ANKFN1: variants seen among roughly 807,000 people sequenced by gnomAD.
ANKFN1 encodes ankyrin repeat and fibronectin type-III domain-containing protein 1.
A neutral mutation model predicts 108.7 loss-of-function variants in ANKFN1; 74 were observed. The ratio of observed to expected loss-of-function variants is 0.68; its 90% confidence interval spans 0.56 to 0.83. The LOEUF (loss-of-function observed/expected upper bound fraction) is 0.83. ANKFN1 is among the 40% of genes least tolerant of loss of function. The probability of loss-of-function intolerance (pLI) is 0.00; values close to 1 mark genes in which losing one functional copy is unlikely to be tolerated. For missense variants in ANKFN1, 1,505 were observed against 1,382.3 expected, an observed-to-expected ratio of 1.09 and a Z score of -1.41; for synonymous variants, 547 against 516.2, an observed-to-expected ratio of 1.06 and a Z score of -0.81.
At chr17:56,295,433 G>A (rs1010060713) in intron 3 of ANKFN1, among the ~76,000 whole-genome samples, 3 of 152,162 alleles carry the variant, frequency 2.0e-5, no homozygotes, top group East Asian at 1.9e-4. Flanking sequence ...GAATCTTGAA[G>A]AGCAGCAGCT....
intron 3 of ANKFN1, among the ~76,000 whole-genome samples, chr17:56,268,709 T>C (rs75850117): frequency 2.6e-5 from 4 of 152,098 alleles, no homozygotes; most frequent in Admixed American, 6.6e-5. Context: ...TTTTTTTTTT[T>C]CCAAATACAT....
At chr17:56,276,696 GTTGT>G (rs1328851922) in intron 3 of ANKFN1, among the ~76,000 whole-genome samples, 1 of 152,078 alleles carries the variant, frequency 6.6e-6, no homozygotes, top group Non-Finnish European at 1.5e-5. Flanking sequence ...TTCTGATTGG[GTTGT>G]TTGTTTTTTT....
intron 11 of ANKFN1, among the ~76,000 whole-genome samples, chr17:56,456,015 T>A (rs80265922): frequency 0.018 from 2,712 of 152,256 alleles, 54 homozygotes; most frequent in East Asian, 0.093. Context: ...ATGCTGGCAG[T>A]GGTTATACAG....
chr17:56,125,867 A>G (rs1906895962), intron 4 of ANKFN1, among the ~76,000 whole-genome samples: 1 of 152,238 alleles, frequency 6.6e-6, no homozygotes, highest in South Asian at 2.1e-4. Context: ...AGGGGCAGAC[A>G]GGCCGGCAGG....
intron 4 of ANKFN1, among the ~76,000 whole-genome samples, chr17:56,073,469 T>C (rs906992780): frequency 6.6e-6 from 1 of 152,356 alleles, no homozygotes; most frequent in Admixed American, 6.5e-5. Context: ...TTATATTTTA[T>C]GCATTTCAAA....
chr17:56,433,824 T>G (rs939839912), intron 8 of ANKFN1, among the ~76,000 whole-genome samples: 10 of 140,450 alleles, frequency 7.1e-5, no homozygotes, highest in African/African-American at 3.1e-4. Context: ...CAATAACCTA[T>G]GGAAATAAAA....
chr17:56,394,987 C>T (rs1041675109), intron 8 of ANKFN1, among the ~76,000 whole-genome samples: 2 of 152,174 alleles, frequency 1.3e-5, no homozygotes, highest in Non-Finnish European at 2.9e-5. Flanking sequence ...AATAATCACC[C>T]TCAAGTCTGG....
chr17:56,371,585 A>G (rs1255215478), intron 6 of ANKFN1, among the ~76,000 whole-genome samples: 6 of 152,202 alleles, frequency 3.9e-5, no homozygotes, highest in Non-Finnish European at 7.3e-5. Flanking sequence ...AACACATTTC[A>G]GCAACAGATC....
intron 4 of ANKFN1, among the ~76,000 whole-genome samples, chr17:56,047,346 A>G (rs1051944921): frequency 1.3e-5 from 2 of 149,654 alleles, no homozygotes; most frequent in Non-Finnish European, 3.0e-5. Flanking sequence ...GTTCATCTCC[A>G]AGAGAGGGGG....
intron 4 of ANKFN1, among the ~76,000 whole-genome samples, chr17:56,046,646 T>G (rs1029337628): frequency 1.3e-5 from 2 of 152,176 alleles, no homozygotes; most frequent in Non-Finnish European, 2.9e-5. Flanking sequence ...CCCTAGAGGG[T>G]TTCTTTCCCA....
chr17:56,197,108 G>A (rs1272900329), intron 1 of ANKFN1, among the ~76,000 whole-genome samples: 3 of 152,108 alleles, frequency 2.0e-5, no homozygotes, highest in East Asian at 1.9e-4. Context: ...TCTCATTTTC[G>A]AATATTAGGT....
intron 8 of ANKFN1, among the ~76,000 whole-genome samples, chr17:56,388,108 C>A (rs2047327003): frequency 6.6e-6 from 1 of 151,810 alleles, no homozygotes; most frequent in African/African-American, 2.4e-5. Context: ...TAATAAGCTT[C>A]TATGGCTATT....
chr17:56,191,485 C>CCA, intron 1 of ANKFN1, among the ~76,000 whole-genome samples: 1 of 47,692 alleles, frequency 2.1e-5, no homozygotes, highest in Non-Finnish European at 3.2e-5. Flanking sequence ...CTTAGTTTGG[C>CCA]TGGATATGAA....
In ANKFN1 at chr17:56,510,827, G is replaced by A. The variant is rs774482537; in HGVS notation, c.2999G>A (p.Arg1000Gln). 72 of 1,536,178 alleles carry A rather than the reference G, an allele frequency of 4.7e-5. No individual in the cohort carries two copies. In the Middle Eastern group the frequency reaches 5.0e-4, roughly 11 times the overall value. The change falls in exon 21 of 21, where the codon CGG (arginine) becomes CAG (glutamine). Residue 1000 changes from arginine to glutamine, a missense_variant. Arg to Gln is a conservative substitution (Grantham distance 43). Coordinates refer to ENST00000682825, the MANE Select transcript of ANKFN1 (RefSeq NM_001370326.1). ...CCCCCGCTAGGCTTCCTGGGAAAGC[G>A]GAAGCCAGGCAAGCACCCCCACTAT... ...GRPPLGFLGK[R>Q]KPGKHPHYGG...
intron 7 of ANKFN1, among the ~76,000 whole-genome samples, chr17:56,373,695 G>A (rs1373565448): frequency 6.6e-6 from 1 of 152,126 alleles, no homozygotes; most frequent in Non-Finnish European, 1.5e-5. Flanking sequence ...CTTTCTCTTG[G>A]AGCAAATAAC....
intron 3 of ANKFN1, among the ~76,000 whole-genome samples, chr17:56,249,391 C>G (rs965223542): frequency 2.6e-5 from 4 of 151,592 alleles, no homozygotes; most frequent in Non-Finnish European, 5.9e-5. Flanking sequence ...CCAAGATCGC[C>G]CCACTGTGCT....
intron 4 of ANKFN1, among the ~76,000 whole-genome samples, chr17:56,116,705 G>A (rs1248325927): frequency 2.6e-5 from 4 of 152,090 alleles, no homozygotes; most frequent in Admixed American, 2.0e-4. Flanking sequence ...GCAGAACCTT[G>A]AGCCAAATAA....
chr17:56,305,627 C>G (rs1283499035), intron 3 of ANKFN1, among the ~76,000 whole-genome samples: 1 of 152,150 alleles, frequency 6.6e-6, no homozygotes, highest in African/African-American at 2.4e-5. Flanking sequence ...GGATCTTTCA[C>G]AAAAAGTAAG....
At chr17:56,062,323 C>T (rs1011065361) in intron 4 of ANKFN1, among the ~76,000 whole-genome samples, 2 of 152,178 alleles carry the variant, frequency 1.3e-5, no homozygotes, top group African/African-American at 2.4e-5. Context: ...CTAATATTGA[C>T]AGTGGGGTGT....
Sources: allele counts gnomAD v4.1 joint callset (sites outside exome capture counted in the v4.1 genomes callset), GRCh38; gene constraint gnomAD v4.1.1; transcripts MANE v1.5; gene names NCBI Gene and HGNC (gene_info 2026-07-23, HGNC 2026-07-21).